MAST4: variants seen among roughly 807,000 people sequenced by gnomAD.
MAST4 encodes the protein microtubule associated serine/threonine kinase family member 4.
A neutral mutation model predicts 162.7 loss-of-function variants in MAST4; 89 were observed. That is an observed-to-expected ratio of 0.55 (90% confidence interval 0.46 to 0.65). The LOEUF (loss-of-function observed/expected upper bound fraction) is 0.65, where lower values mean the gene tolerates loss of function less well. Ranked by LOEUF, MAST4 falls within the 30% of genes least tolerant of loss-of-function variation. The pLI is 0.00. For synonymous variants in MAST4, 1,479 were observed against 1,361.1 expected, an observed-to-expected ratio of 1.09 and a Z score of -1.91; for missense variants, 3,153 against 3,374.0, an observed-to-expected ratio of 0.93 and a Z score of 1.62.
chr5:67,154,034 A>G (rs772122877), intron 26 of MAST4, among the ~76,000 whole-genome samples: 1 of 152,252 alleles, frequency 6.6e-6, no homozygotes, highest in Non-Finnish European at 1.5e-5. Flanking sequence ...CACATGTACT[A>G]TAAATTATAA....
chr5:66,637,566 G>A (rs1045138956), intron 1 of MAST4, among the ~76,000 whole-genome samples: 1 of 152,008 alleles, frequency 6.6e-6, no homozygotes, highest in African/African-American at 2.4e-5. Context: ...GAGTATTGAT[G>A]TATTGATCCC....
At chr5:67,111,750 G>A (rs1766273510) in intron 11 of MAST4, among the ~76,000 whole-genome samples, 1 of 152,150 alleles carries the variant, frequency 6.6e-6, no homozygotes, top group South Asian at 2.1e-4. Flanking sequence ...AGCAGATCTT[G>A]CTTTAAAGGA....
chr5:66,612,824 C>T (rs1285692767), intron 1 of MAST4, among the ~76,000 whole-genome samples: 1 of 152,148 alleles, frequency 6.6e-6, no homozygotes, highest in Non-Finnish European at 1.5e-5. Context: ...GATATCTTTG[C>T]TATAAATAGT....
At chr5:66,793,999 G>A (rs1755538026) in intron 3 of MAST4, among the ~76,000 whole-genome samples, 1 of 152,072 alleles carries the variant, frequency 6.6e-6, no homozygotes, top group South Asian at 2.1e-4. Flanking sequence ...CACATAGTAG[G>A]GTGCTCAGTG....
At chr5:66,937,267 G>T (rs1013381598) in intron 4 of MAST4, among the ~76,000 whole-genome samples, 34 of 152,230 alleles carry the variant, frequency 2.2e-4, no homozygotes, top group African/African-American at 8.2e-4. Flanking sequence ...TTCAAATTAG[G>T]AGAACAAAAT....
intron 1 of MAST4, among the ~76,000 whole-genome samples, chr5:66,637,009 A>G (rs1745164573): frequency 6.6e-6 from 1 of 152,256 alleles, no homozygotes; most frequent in Admixed American, 6.5e-5. Flanking sequence ...ACCTGGAGAT[A>G]ATGCCACTGT....
chr5:67,139,016 G>C (rs1581693570), intron 19 of MAST4, among the ~76,000 whole-genome samples: 1 of 152,138 alleles, frequency 6.6e-6, no homozygotes, highest in Admixed American at 6.5e-5. Flanking sequence ...TTTTCTTGTT[G>C]ATTGCTACTT....
chr5:67,026,751 T>A (rs889831386), intron 4 of MAST4, among the ~76,000 whole-genome samples: 1 of 152,206 alleles, frequency 6.6e-6, no homozygotes, highest in South Asian at 2.1e-4. Context: ...TCTGGAATAT[T>A]TGAGACCACA....
intron 4 of MAST4, among the ~76,000 whole-genome samples, chr5:66,951,185 T>C (rs10500563): frequency 0.022 from 3,422 of 152,302 alleles, 108 homozygotes; most frequent in African/African-American, 0.078. Context: ...ATCGAAGACA[T>C]TATTTGAACA....
At chr5:66,642,999 T>C (rs965326391) in intron 1 of MAST4, among the ~76,000 whole-genome samples, 2 of 152,216 alleles carry the variant, frequency 1.3e-5, no homozygotes, top group Admixed American at 6.5e-5. Context: ...TAAACCATCA[T>C]GTAAATACGA....
intron 1 of MAST4, among the ~76,000 whole-genome samples, chr5:66,721,756 T>C (rs10065094): frequency 0.017 from 2,505 of 151,358 alleles, 69 homozygotes; most frequent in African/African-American, 0.056. Flanking sequence ...TCCAACTTAA[T>C]CTGTGTTCTG....
chr5:66,866,004 G>A (rs188333162), intron 3 of MAST4, among the ~76,000 whole-genome samples: 2 of 151,062 alleles, frequency 1.3e-5, no homozygotes. Context: ...GAACCCTGGG[G>A]GTGGAGGTTG....
intron 4 of MAST4, among the ~76,000 whole-genome samples, chr5:66,980,866 C>G (rs955288930): frequency 6.6e-6 from 1 of 152,134 alleles, no homozygotes; most frequent in Non-Finnish European, 1.5e-5. Flanking sequence ...CTGGGGCAGT[C>G]AAGAAGAGAG....
intron 1 of MAST4, among the ~76,000 whole-genome samples, chr5:66,684,206 T>C (rs554430546): frequency 4.7e-4 from 71 of 152,306 alleles, no homozygotes; most frequent in African/African-American, 1.6e-3. Context: ...TCCATCCAAA[T>C]AGGGCACAGA....
chr5:66,621,509 A>G (rs771046125), intron 1 of MAST4, among the ~76,000 whole-genome samples: 5 of 152,208 alleles, frequency 3.3e-5, no homozygotes, highest in Admixed American at 2.0e-4. Flanking sequence ...CATTAGCCAT[A>G]TCTTCTTATT....
chr5:66,933,038 C>G (rs1270301359), intron 4 of MAST4, among the ~76,000 whole-genome samples: 1 of 152,018 alleles, frequency 6.6e-6, no homozygotes, highest in Non-Finnish European at 1.5e-5. Context: ...ATTTTGAAAC[C>G]CATAGACATT....
At position 67,165,428 on chromosome 5, in the gene MAST4, C is replaced by T. The variant is rs767729954; in HGVS notation, c.6249C>T (p.Pro2083=). 3.1e-6 allele frequency: 5 copies of T among 1,613,848 alleles called. No individual in the cohort carries two copies. The highest frequency in any genetic ancestry group is 2.7e-5 in the African/African-American group (2 of 75,054). The change falls in exon 29 of 29, where the codon CCC becomes CCT. Residue 2083 remains proline (P), a synonymous_variant. Coordinates refer to ENST00000403625, the MANE Select transcript of MAST4 (RefSeq NM_001164664.2). ...GKVRRGVEPK[P]EALLARRSLQ... ...TGAGGCGTGGCGTGGAACCCAAGCCCGAAGCGCTTCTTGCCAGGCGGTCTC... is the reference window on the plus strand; with the variant it reads ...TGAGGCGTGGCGTGGAACCCAAGCCTGAAGCGCTTCTTGCCAGGCGGTCTC...
intron 1 of MAST4, among the ~76,000 whole-genome samples, chr5:66,666,370 A>T (rs1234108906): frequency 3.3e-5 from 5 of 152,190 alleles, no homozygotes; most frequent in African/African-American, 1.2e-4. Context: ...CCCATGTCAT[A>T]TCTGGTCATC....
chr5:66,886,129 C>T (rs1762024965), intron 3 of MAST4, among the ~76,000 whole-genome samples: 1 of 152,198 alleles, frequency 6.6e-6, no homozygotes, highest in South Asian at 2.1e-4. Flanking sequence ...AGCCACTCTG[C>T]CAGGCCATGT....
Sources: gnomAD v4.1 joint callset for allele counts (sites outside exome capture counted in the v4.1 genomes callset) on GRCh38, gnomAD v4.1.1 for gene constraint, MANE v1.5 for transcripts, NCBI Gene and HGNC (gene_info 2026-07-23, HGNC 2026-07-21) for gene names.